The following RLF variants were observed in gnomAD, a reference collection of about 807,000 sequenced individuals.
RLF encodes the protein zinc finger protein Rlf.
RLF carries 7 observed loss-of-function variants against 162.9 expected under a neutral mutation model. That is an observed-to-expected ratio of 0.04 (90% CI 0.02 to 0.08). The LOEUF is 0.08. Among genes scored for constraint, RLF ranks in the 10% least tolerant of loss-of-function variants. RLF has a pLI of 1.00. For missense variants in RLF, 1,664 were observed against 2,244.7 expected, an observed-to-expected ratio of 0.74 and a Z score of 5.23; for synonymous variants, 782 against 791.5, an observed-to-expected ratio of 0.99 and a Z score of 0.20.
At chr1:40,186,782 G>A (rs922672350) in intron 1 of RLF, among the ~76,000 whole-genome samples, 1 of 152,142 alleles carries the variant, frequency 6.6e-6, no homozygotes, top group African/African-American at 2.4e-5. Context: ...GAATAAAATG[G>A]TGAATGTATT....
At chr1:40,169,678 A>G (rs1378880172) in intron 1 of RLF, among the ~76,000 whole-genome samples, 2 of 148,516 alleles carry the variant, frequency 1.3e-5, no homozygotes, top group African/African-American at 2.5e-5. Flanking sequence ...TTCTATGTTC[A>G]TATAAGTTGG....
chr1:40,181,079 G>A (rs1449712438), intron 1 of RLF, among the ~76,000 whole-genome samples: 4 of 152,162 alleles, frequency 2.6e-5, no homozygotes, highest in Non-Finnish European at 5.9e-5. Flanking sequence ...GTAAGGTAAG[G>A]TCCAGCTTCA....
chr1:40,192,768 A>G (rs1217105338), intron 3 of RLF, among the ~76,000 whole-genome samples: 1 of 152,228 alleles, frequency 6.6e-6, no homozygotes, highest in Non-Finnish European at 1.5e-5. Context: ...TTATAAATGG[A>G]CAAGGCAGCA....
At chr1:40,232,221 A>G (rs1406525288) in intron 7 of RLF, among the ~76,000 whole-genome samples, 1 of 151,964 alleles carries the variant, frequency 6.6e-6, no homozygotes, top group Non-Finnish European at 1.5e-5. Flanking sequence ...TTTTTTAAAA[A>G]AAAAAAAAAG....
chr1:40,187,939 C>T (rs1161566632), intron 1 of RLF, among the ~76,000 whole-genome samples: 3 of 152,150 alleles, frequency 2.0e-5, no homozygotes, highest in Non-Finnish European at 4.4e-5. Flanking sequence ...ATGTATTTCA[C>T]TCATGTTAAA....
At chr1:40,178,687 G>GT (rs59172683) in intron 1 of RLF, among the ~76,000 whole-genome samples, 5,799 of 75,034 alleles carry the variant, frequency 0.077, 168 homozygotes, top group South Asian at 0.17. Flanking sequence ...TTTGTTTTGT[G>GT]TTTTTTTTTT....
At chr1:40,185,358 G>C (rs1358289187) in intron 1 of RLF, among the ~76,000 whole-genome samples, 1 of 150,300 alleles carries the variant, frequency 6.7e-6, no homozygotes, top group Non-Finnish European at 1.5e-5. Flanking sequence ...CTGAACTCCT[G>C]ACCTCAAGTG....
In RLF at chr1:40,238,185, G is replaced by T. The variant is rs1474917380; in HGVS notation, c.3483G>T (p.Gln1161His). ...ATTATTCAAAAGAAAAAGTCCTTCA[G>T]TTAACCATGTTCCAACATCGGTATT... ...KHNYSKEKVL[Q>H]LTMFQHRYSP... The change falls in exon 8 of 8, where the codon CAG (glutamine) becomes CAT (histidine). Residue 1161 changes from glutamine (Q) to histidine (H), a missense_variant. By Grantham distance (24) the Gln-to-His change is conservative. This residue lies in a region of RLF where 30 missense variants were observed against 116.5 expected (regional missense o/e 0.26). Coordinates refer to ENST00000372771, the MANE Select transcript of RLF (RefSeq NM_012421.4). The surrounding 1 kb of genome is among the most constrained non-coding windows in gnomAD (Gnocchi z 5.2). 2 of 1,614,046 alleles carry T rather than the reference G, an allele frequency of 1.2e-6. No individual in the cohort carries two copies. The highest frequency in any genetic ancestry group is 8.5e-7 in the Non-Finnish European group (1 of 1,179,988).
chr1:40,230,825 A>C (rs1313086895), intron 6 of RLF, among the ~76,000 whole-genome samples: 3 of 152,142 alleles, frequency 2.0e-5, no homozygotes, highest in Non-Finnish European at 2.9e-5. Flanking sequence ...TTCTCTCATT[A>C]GCATTTCTAT....
intron 1 of RLF, among the ~76,000 whole-genome samples, chr1:40,164,737 T>A (rs1029386894): frequency 1.3e-5 from 2 of 152,218 alleles, no homozygotes; most frequent in African/African-American, 4.8e-5. Context: ...ACTTTTTTTT[T>A]AGTAAACTTC....
At chr1:40,176,496 GTGGTGTGATCT>G (rs1642327554) in intron 1 of RLF, among the ~76,000 whole-genome samples, 1 of 152,208 alleles carries the variant, frequency 6.6e-6, no homozygotes, top group Non-Finnish European at 1.5e-5. Flanking sequence ...CCAGGCTGCA[GTGGTGTGATCT>G]TGGCTCACTG....
chr1:40,214,437 A>G (rs1049279763), intron 5 of RLF, among the ~76,000 whole-genome samples: 2 of 152,220 alleles, frequency 1.3e-5, no homozygotes, highest in African/African-American at 4.8e-5. Flanking sequence ...AGCTGGTAAT[A>G]TGCCTGTCAG....
At chr1:40,231,695 G>T in intron 7 of RLF, 37 bp downstream of exon 7, 1 of 1,562,444 alleles carries the variant, frequency 6.4e-7, no homozygotes. Flanking sequence ...ACTGTAGCTG[G>T]AGGAAAGAAA....
At chr1:40,198,408 C>G (rs1419734588) in intron 4 of RLF, among the ~76,000 whole-genome samples, 2 of 146,836 alleles carry the variant, frequency 1.4e-5, no homozygotes, top group African/African-American at 5.0e-5. Context: ...GGGTTCAAGT[C>G]ATTCTCCTGC....
chr1:40,191,394 C>T lies in RLF; in HGVS notation c.474+541C>T, dbSNP rs373798995. Among the ~76,000 whole-genome samples, 77 of 152,122 alleles carry T rather than the reference C, an allele frequency of 5.1e-4. 1 individual carries two copies. Among genetic ancestry groups the T allele is most frequent in the African/African-American group, 1.6e-3 (67 of 41,496 alleles). On this transcript the variant is annotated intron_variant, in intron 3 of 7. Coordinates refer to ENST00000372771, the MANE Select transcript of RLF (RefSeq NM_012421.4). ...CTCTACTAAAAATACAAATATTAGC[C>T]GGGCATGGTGGCGGACACCTGTAAT... is the stretch of plus-strand genomic sequence containing the variant.
rs749322658 is a variant in RLF, at chr1:40,236,890, C to A, written c.2188C>A (p.Arg730=). Residue 730 remains arginine, a synonymous_variant, in exon 8 of 8, where the codon CGA becomes AGA. Transcript: ENST00000372771. This position sits in a 1 kb window ranked among gnomAD's most constrained non-coding sequence, Gnocchi z 7.7. ...RRHFMSAFHL[R]EHEQVHCGPQ... is the part of the protein sequence containing the mutation. ...ACATTTTATGTCTGCTTTTCACCTT[C>A]GAGAGCACGAACAAGTGCATTGTGG... 3.1e-6 allele frequency: 5 copies of A among 1,614,008 alleles called. No individual in the cohort carries two copies. The highest frequency in any genetic ancestry group is 3.4e-6 in the Non-Finnish European group (4 of 1,180,028).
intron 5 of RLF, among the ~76,000 whole-genome samples, chr1:40,210,425 A>G (rs1010349030): frequency 1.3e-5 from 2 of 152,226 alleles, no homozygotes; most frequent in African/African-American, 4.8e-5. Flanking sequence ...AAGCACAGGT[A>G]CTAATGAGTA....
intron 5 of RLF, among the ~76,000 whole-genome samples, chr1:40,206,271 A>G (rs1293297074): frequency 6.6e-6 from 1 of 152,164 alleles, no homozygotes; most frequent in African/African-American, 2.4e-5. Context: ...GCTCTGAGGT[A>G]GCTCCATTTT....
At chr1:40,189,676 G>A (rs191783287) in intron 2 of RLF, among the ~76,000 whole-genome samples, 87 of 152,274 alleles carry the variant, frequency 5.7e-4, no homozygotes, top group African/African-American at 2.1e-3. Flanking sequence ...GCGCACGCCT[G>A]TAATCCCAGC....
Sources: allele counts gnomAD v4.1 joint callset (sites outside exome capture counted in the v4.1 genomes callset), GRCh38; gene constraint gnomAD v4.1.1; regional missense constraint gnomAD v4.1.1; non-coding constraint Gnocchi (gnomAD v3.1); transcripts MANE v1.5; gene names NCBI Gene and HGNC (gene_info 2026-07-23, HGNC 2026-07-21).